Variants in ENPP3 observed in about 807,000 individuals in gnomAD.
The protein encoded by ENPP3 is ectonucleotide pyrophosphatase/phosphodiesterase 3, also known as ectonucleotide pyrophosphatase/phosphodiesterase family member 3.
In ENPP3, 104 loss-of-function variants were observed where a neutral mutation model predicts 117.8. The ratio of observed to expected loss-of-function variants is 0.88; its 90% CI spans 0.75 to 1.04. The LOEUF (loss-of-function observed/expected upper bound fraction) is 1.04, where lower values mean the gene tolerates loss of function less well. ENPP3 is among the 50% of genes least tolerant of loss of function. The probability of loss-of-function intolerance (pLI) is 0.00; values close to 1 mark genes in which losing one functional copy is unlikely to be tolerated. For missense variants in ENPP3, 1,026 were observed against 1,051.9 expected (o/e 0.98, Z 0.34); for synonymous variants, 380 against 349.9 (o/e 1.09, Z -0.96).
intron 24 of ENPP3, among the ~76,000 whole-genome samples, chr6:131,746,568 AATAG>A (rs1203921175): frequency 6.6e-6 from 1 of 152,172 alleles, no homozygotes; most frequent in Non-Finnish European, 1.5e-5. Flanking sequence ...TAAACATAAA[AATAG>A]ATAAATTTTG....
chr6:131,718,840 G>A lies in ENPP3; in HGVS notation c.1479+102G>A, dbSNP rs893430748. On this transcript the variant is annotated intron_variant, in intron 16 of 24. Transcript: ENST00000357639. ...AGGTAAACATCTGTCATGGGGGTTT[G>A]TCATACAGATTATTTCATTACTCAG... 17 of 635,858 alleles carry A rather than the reference G, an allele frequency of 2.7e-5. No individual in the cohort carries two copies. The African/African-American group carries it at 3.0e-4, about 11-fold the overall frequency. The allele number at this position is 635,858 out of a possible 1,614,324, so 39.4% of individuals were successfully genotyped here.
intron 9 of ENPP3, 136 bp downstream of exon 9, chr6:131,675,325 T>C (rs1778843566): frequency 1.6e-6 from 1 of 617,318 alleles, no homozygotes; most frequent in African/African-American, 1.8e-5. Flanking sequence ...ATTCCTTTCC[T>C]TTATGTCACT....
intron 6 of ENPP3, among the ~76,000 whole-genome samples, chr6:131,668,404 A>C (rs937817993): frequency 6.6e-6 from 1 of 151,796 alleles, no homozygotes; most frequent in African/African-American, 2.4e-5. Context: ...TATTAGAGCC[A>C]GGGTTTCACC....
intron 2 of ENPP3, among the ~76,000 whole-genome samples, chr6:131,646,274 C>CTGTGTG (rs34014584): frequency 0.011 from 1,535 of 145,582 alleles, 17 homozygotes; most frequent in African/African-American, 0.035. Flanking sequence ...TCTCAATACT[C>CTGTGTG]TGTGTGTGTG....
chr6:131,734,482 G>A (rs575501709), intron 21 of ENPP3, among the ~76,000 whole-genome samples: 1 of 152,234 alleles, frequency 6.6e-6, no homozygotes. Context: ...AAGGTTTAAT[G>A]AAAGCAAGTA....
At chr6:131,694,841 CA>C (rs10535185) in intron 15 of ENPP3, among the ~76,000 whole-genome samples, 20,277 of 96,876 alleles carry the variant, frequency 0.21, 3,946 homozygotes, top group African/African-American at 0.51. Context: ...TTGATTCCAT[CA>C]AAAAAAAAAA....
At chr6:131,722,160 A>G (rs1047091217) in intron 17 of ENPP3, 67 bp from the exon 18 acceptor site, 8 of 1,149,782 alleles carry the variant, frequency 7.0e-6, no homozygotes, top group African/African-American at 1.5e-5. Flanking sequence ...GTTTCTTCCC[A>G]TCTCCCACAG....
At chr6:131,740,917 A>G (rs1780515422) in intron 24 of ENPP3, among the ~76,000 whole-genome samples, 2 of 152,152 alleles carry the variant, frequency 1.3e-5, no homozygotes, top group Admixed American at 6.6e-5. Flanking sequence ...ACTTATTTTT[A>G]TTCTGGCCAC....
rs765665493 is a variant in ENPP3, at chr6:131,733,574, C to T, written c.1954-14C>T. On this transcript the variant is annotated splice_polypyrimidine_tract_variant and intron_variant, in intron 20 of 24. Coordinates refer to ENST00000357639, the MANE Select transcript of ENPP3 (RefSeq NM_005021.5). ...AATTGTGGGCGTAATTTTTTTCTCT[C>T]TCTCTTTGAACAGGGAGACACATCG... is the stretch of plus-strand genomic sequence containing the variant. 1.2e-6 allele frequency: 2 copies of T among 1,600,326 alleles called. No homozygotes were observed. Among genetic ancestry groups the T allele is most frequent in the South Asian group, 1.1e-5 (1 of 89,512 alleles).
chr6:131,710,186 C>A (rs1183458858), intron 15 of ENPP3: 1 of 1,612,298 alleles, frequency 6.2e-7, no homozygotes, highest in Non-Finnish European at 8.5e-7. Flanking sequence ...GCAGCCTGAT[C>A]TTTCATCATT....
intron 3 of ENPP3, among the ~76,000 whole-genome samples, chr6:131,651,119 C>T (rs1778253130): frequency 6.6e-6 from 1 of 152,080 alleles, no homozygotes; most frequent in South Asian, 2.1e-4. Context: ...GGGGTTTCAC[C>T]ATGTTGGCCA....
intron 15 of ENPP3, among the ~76,000 whole-genome samples, chr6:131,706,945 G>A (rs1316254171): frequency 1.3e-5 from 2 of 151,828 alleles, no homozygotes; most frequent in Admixed American, 1.3e-4. Context: ...TGTAATAATA[G>A]CTTCAAAAAA....
intron 6 of ENPP3, among the ~76,000 whole-genome samples, chr6:131,664,353 T>C (rs1778570985): frequency 6.6e-6 from 1 of 152,146 alleles, no homozygotes; most frequent in Admixed American, 6.5e-5. Flanking sequence ...AGAATAAAGA[T>C]ATAAAGAAAA....
intron 2 of ENPP3, among the ~76,000 whole-genome samples, chr6:131,647,912 C>T (rs1031810330): frequency 6.6e-6 from 1 of 152,084 alleles, no homozygotes; most frequent in Non-Finnish European, 1.5e-5. Flanking sequence ...ATTATCATCA[C>T]ATTATTGTAT....
intron 5 of ENPP3, among the ~76,000 whole-genome samples, chr6:131,657,061 T>TA (rs1436004427): frequency 2.6e-5 from 4 of 152,138 alleles, no homozygotes; most frequent in African/African-American, 9.7e-5. Flanking sequence ...TTAATGACTT[T>TA]ATGAAAAAAA....
chr6:131,697,355 G>A (rs1467332335), intron 15 of ENPP3, among the ~76,000 whole-genome samples: 1 of 149,438 alleles, frequency 6.7e-6, no homozygotes, highest in Non-Finnish European at 1.5e-5. Context: ...GGACGAGGAT[G>A]GTCTAGCGCA....
chr6:131,663,566 T>TA, intron 6 of ENPP3, among the ~76,000 whole-genome samples: 1 of 148,320 alleles, frequency 6.7e-6, no homozygotes, highest in Middle Eastern at 3.5e-3. Context: ...CAATGGGGTG[T>TA]GCCAGTAGTC....
At chr6:131,679,177 C>T (rs1180108945) in intron 11 of ENPP3, among the ~76,000 whole-genome samples, 1 of 151,190 alleles carries the variant, frequency 6.6e-6, no homozygotes, top group Non-Finnish European at 1.5e-5. Context: ...TCTCTGCAAC[C>T]TCCATGTCCC....
At chr6:131,735,534 C>T (rs761352988) in intron 21 of ENPP3, among the ~76,000 whole-genome samples, 10 of 152,154 alleles carry the variant, frequency 6.6e-5, no homozygotes, top group Admixed American at 1.3e-4. Context: ...GCAGGAGGAT[C>T]GCTTGAGTCC....
Sources: gnomAD v4.1 joint callset for allele counts (sites outside exome capture counted in the v4.1 genomes callset) on GRCh38, gnomAD v4.1.1 for gene constraint, MANE v1.5 for transcripts, NCBI Gene and HGNC (gene_info 2026-07-23, HGNC 2026-07-21) for gene names.